The following GAD2 variants were observed in gnomAD, a reference collection of about 807,000 sequenced individuals.
GAD2 encodes the protein glutamate decarboxylase 2.
Under a neutral mutation model 80.1 loss-of-function variants are expected in GAD2, and 22 were observed. The observed-to-expected ratio is 0.27, with a 90% CI of 0.20 to 0.39. GAD2 has a LOEUF of 0.39. GAD2 is among the 10% of genes least tolerant of loss of function. The pLI is 1.00. For missense variants in GAD2, 624 were observed against 738.4 expected (o/e 0.85, Z 1.80); for synonymous variants, 274 against 256.9 (o/e 1.07, Z -0.64).
At chr10:26,243,419 A>T (rs1273320240) in intron 7 of GAD2, among the ~76,000 whole-genome samples, 1 of 152,230 alleles carries the variant, frequency 6.6e-6, no homozygotes, top group African/African-American at 2.4e-5. Flanking sequence ...TTAAAATTCC[A>T]GTCAGCAGCC....
At chr10:26,221,308 T>C (rs780364992) in intron 4 of GAD2, among the ~76,000 whole-genome samples, 6 of 152,242 alleles carry the variant, frequency 3.9e-5, no homozygotes, top group Non-Finnish European at 5.9e-5. Flanking sequence ...TGATTTCCAC[T>C]TGGGCTCCAA....
chr10:26,232,832 A>G (rs1426454506), intron 7 of GAD2, among the ~76,000 whole-genome samples: 1 of 151,962 alleles, frequency 6.6e-6, no homozygotes, highest in Non-Finnish European at 1.5e-5. Context: ...AAGAAACACA[A>G]TTCGGCCGTA....
At chr10:26,285,438 G>A (rs1845319908) in intron 12 of GAD2, among the ~76,000 whole-genome samples, 1 of 152,320 alleles carries the variant, frequency 6.6e-6, no homozygotes, top group Non-Finnish European at 1.5e-5. Context: ...CAATTAGACA[G>A]AAGAGAACAA....
intron 8 of GAD2, among the ~76,000 whole-genome samples, chr10:26,263,573 G>T (rs1464671803): frequency 6.6e-6 from 1 of 152,182 alleles, no homozygotes; most frequent in Non-Finnish European, 1.5e-5. Flanking sequence ...CCCCAAGTCA[G>T]TCTATGCAGT....
intron 8 of GAD2, among the ~76,000 whole-genome samples, chr10:26,268,757 A>G (rs1845100499): frequency 1.3e-5 from 2 of 152,222 alleles, no homozygotes; most frequent in South Asian, 4.1e-4. Flanking sequence ...AAGGTTTGGA[A>G]TAAAAAGGTT....
At chr10:26,243,051 C>CT (rs8190666) in intron 7 of GAD2, among the ~76,000 whole-genome samples, 15 of 151,980 alleles carry the variant, frequency 9.9e-5, no homozygotes, top group African/African-American at 2.9e-4. Context: ...AACCCCCCCC[C>CT]TTTTTTTGGT....
At chr10:26,246,200 C>T (rs901984954) in intron 8 of GAD2, among the ~76,000 whole-genome samples, 200 bp downstream of exon 8, 11 of 152,218 alleles carry the variant, frequency 7.2e-5, no homozygotes, top group African/African-American at 2.7e-4. Flanking sequence ...GAGCCTTCCA[C>T]AGCCCTTGCC....
chr10:26,234,927 C>T (rs1564658581), intron 7 of GAD2, among the ~76,000 whole-genome samples: 1 of 152,164 alleles, frequency 6.6e-6, no homozygotes, highest in Non-Finnish European at 1.5e-5. Flanking sequence ...GGCTAGAGTG[C>T]AGTGGCGCCA....
At chr10:26,265,792 G>T (rs1229510480) in intron 8 of GAD2, among the ~76,000 whole-genome samples, 1 of 152,194 alleles carries the variant, frequency 6.6e-6, no homozygotes, top group Non-Finnish European at 1.5e-5. Flanking sequence ...ACCAGGCGAT[G>T]CTTGTGCAGA....
chr10:26,243,162 T>G (rs2132285811), intron 7 of GAD2, among the ~76,000 whole-genome samples: 1 of 152,344 alleles, frequency 6.6e-6, no homozygotes, highest in South Asian at 2.1e-4. Flanking sequence ...ATTCTTAGGT[T>G]GTAAAATGAA....
At chr10:26,268,206 C>T (rs1036816175) in intron 8 of GAD2, among the ~76,000 whole-genome samples, 4 of 152,220 alleles carry the variant, frequency 2.6e-5, no homozygotes, top group Non-Finnish European at 5.9e-5. Context: ...CGGTGGCTTA[C>T]GCCTGTAATC....
At chr10:26,299,844 G>A (rs999337263) in intron 15 of GAD2, among the ~76,000 whole-genome samples, 1 of 152,214 alleles carries the variant, frequency 6.6e-6, no homozygotes, top group Non-Finnish European at 1.5e-5. Flanking sequence ...TTGTAGGACT[G>A]TGGTGGAATC....
At chr10:26,249,837 A>G (rs1427684086) in intron 8 of GAD2, among the ~76,000 whole-genome samples, 1 of 152,100 alleles carries the variant, frequency 6.6e-6, no homozygotes, top group Non-Finnish European at 1.5e-5. Context: ...CCAAGAAGGG[A>G]AAACAGAGGA....
chr10:26,219,060 G>A lies in GAD2; in HGVS notation c.304G>A (p.Asp102Asn), dbSNP rs139888003. The A allele has an allele frequency of 1.5e-4, 235 of 1,584,800 alleles. No homozygotes were observed. The highest frequency in any genetic ancestry group is 2.0e-4 in the Non-Finnish European group (234 of 1,164,816). ...LHATDLLPACDGERPTLAFLQ... is the reference protein window; with the variant it reads ...LHATDLLPACNGERPTLAFLQ... ...TTCTTTAGACCTGCTGCCGGCGTGT[G>A]ATGGAGAAAGGCCCACTTTGGCGTT... The change falls in exon 4 of 16, where the codon GAT becomes AAT. Residue 102 changes from aspartate (D) to asparagine (N), a missense_variant. By Grantham distance (23) the Asp-to-Asn change is conservative. Transcript: ENST00000376261.
At chr10:26,295,435 C>A (rs1241268573) in intron 15 of GAD2, among the ~76,000 whole-genome samples, 1 of 151,178 alleles carries the variant, frequency 6.6e-6, no homozygotes, top group Admixed American at 6.6e-5. Flanking sequence ...TTCAGACTTT[C>A]TGGAAAGTTC....
rs990840170 is a variant in GAD2, at chr10:26,217,610, C to A, written c.77C>A (p.Ala26Glu). The change falls in exon 2 of 16, where the codon GCG becomes GAG. Residue 26 changes from alanine to glutamate, a missense_variant and splice_region_variant. Coordinates refer to ENST00000376261, the MANE Select transcript of GAD2 (RefSeq NM_001134366.2). This position sits in a 1 kb window ranked among gnomAD's most constrained non-coding sequence, Gnocchi z 4.9. Reference protein sequence around the residue: ...GSGDSENPGTARAWCQVAQKF... With the variant: ...GSGDSENPGTERAWCQVAQKF... Reference sequence around the variant, plus strand: ...TCTGCCTGCCTATTCTTCCTTGCAGCGCGAGCCTGGTGCCAAGTGGCTCAG... The same window carrying A: ...TCTGCCTGCCTATTCTTCCTTGCAGAGCGAGCCTGGTGCCAAGTGGCTCAG... The A allele has an allele frequency of 6.2e-7, 1 of 1,612,420 alleles. No individual in the cohort carries two copies.
chr10:26,223,473 A>G (rs1303817427), intron 4 of GAD2, among the ~76,000 whole-genome samples: 1 of 152,214 alleles, frequency 6.6e-6, no homozygotes, highest in African/African-American at 2.4e-5. Flanking sequence ...TTCTAGCAGC[A>G]TGAGTATAAA....
chr10:26,234,507 T>G (rs1273819942), intron 7 of GAD2, among the ~76,000 whole-genome samples: 4 of 152,198 alleles, frequency 2.6e-5, no homozygotes, highest in African/African-American at 9.7e-5. Flanking sequence ...TTTTTTGCAT[T>G]CAGTGTATTT....
intron 8 of GAD2, among the ~76,000 whole-genome samples, chr10:26,255,741 A>T (rs147128120): frequency 1.5e-3 from 223 of 152,266 alleles, no homozygotes; most frequent in African/African-American, 5.1e-3. Context: ...GCAAAGGTTT[A>T]ATTTTCGTTA....
Sources: gnomAD v4.1 joint callset for allele counts (sites outside exome capture counted in the v4.1 genomes callset) on GRCh38, gnomAD v4.1.1 for gene constraint, Gnocchi (gnomAD v3.1) non-coding constraint, MANE v1.5 for transcripts, NCBI Gene and HGNC (gene_info 2026-07-23, HGNC 2026-07-21) for gene names.